MFSD12: variants seen among roughly 807,000 people sequenced by gnomAD.
The protein encoded by MFSD12 is major facilitator superfamily domain-containing protein 12.
Under a neutral mutation model 51.2 loss-of-function variants are expected in MFSD12, and 67 were observed. That is an observed-to-expected ratio of 1.31 (90% CI 1.08 to 1.60). The LOEUF (loss-of-function observed/expected upper bound fraction) is 1.60. MFSD12 is among the 40% of genes most tolerant of loss of function. MFSD12 has a pLI of 0.00. For synonymous variants in MFSD12, 441 were observed against 316.7 expected (o/e 1.39, Z -4.17); for missense variants, 921 against 673.0 (o/e 1.37, Z -4.08).
chr19:3,543,633 G>C (rs1268862810), downstream of MFSD12: 1 of 1,544,142 alleles, frequency 6.5e-7, no homozygotes, highest in Admixed American at 2.0e-5. Flanking sequence ...AGCACCCGGT[G>C]GGGGAGCGCG....
intron 1 of MFSD12, among the ~76,000 whole-genome samples, chr19:3,553,437 C>T (rs531179928): frequency 2.7e-5 from 4 of 148,114 alleles, no homozygotes; most frequent in African/African-American, 7.5e-5. Context: ...CGTGCCACTG[C>T]GCTCCAGCCT....
In MFSD12 at chr19:3,549,591, CGG is replaced by C. The variant is rs1568259341; in HGVS notation, c.510-1326_510-1325del. The stretch of plus-strand genomic sequence containing the variant: ...TACAAAAATTAGCCGGGGGTGGTGG[CGG>C]GTGCCTGTAGTCCCAGCTACTCGGG... On this transcript the variant is annotated intron_variant, in intron 2 of 9. Coordinates refer to ENST00000355415, the MANE Select transcript of MFSD12 (RefSeq NM_174983.5). 1.1e-4 allele frequency among the ~76,000 whole-genome samples: 17 copies of C among 151,718 alleles called. No homozygotes were observed. In the East Asian group the frequency reaches 3.1e-3, roughly 28 times the overall value.
chr19:3,538,874 A>G, intron 4 of MFSD12: 3 of 612,280 alleles, frequency 4.9e-6, no homozygotes, highest in South Asian at 4.6e-5. Flanking sequence ...GCAGGGGGAG[A>G]CAGAAGCCCC....
In MFSD12 at chr19:3,557,258, G is replaced by A. The variant is rs755512305; in HGVS notation, c.146C>T (p.Ser49Leu). ...GCCGCGGGAGCTGTAGGCGCGCACC[G>A]AGTGCAGGTAGAGCAGCAGGTAGGT... ...WFTYLLLYLHSVRAYSSRGAG... is the reference protein window; with the variant it reads ...WFTYLLLYLHLVRAYSSRGAG... Residue 49 changes from serine to leucine, a missense_variant, in exon 1 of 10, where the codon TCG becomes TTG. By Grantham distance (145) the Ser-to-Leu change is moderately radical. Transcript: ENST00000355415. 4 of 1,597,694 alleles carry A rather than the reference G, an allele frequency of 2.5e-6. No individual in the cohort carries two copies. The highest frequency in any genetic ancestry group is 1.7e-5 in the Admixed American group (1 of 58,392).
In MFSD12 at chr19:3,551,437, G is replaced by A. The variant is rs1243912735; in HGVS notation, c.299-243C>T. On this transcript the variant is annotated intron_variant, in intron 1 of 9. Transcript: ENST00000355415. The surrounding 1 kb of genome is among the most constrained non-coding windows in gnomAD (Gnocchi z 4.6). ...GCCTGCAAGTCAGAAGAAGCCAGGC[G>A]CAGGGGGTCCCCCGGAAACCTGCCC... Among the ~76,000 whole-genome samples the A allele has an allele frequency of 2.0e-5, 3 of 152,178 alleles. No individual in the cohort carries two copies. Among genetic ancestry groups the A allele is most frequent in the Admixed American group, 6.5e-5 (1 of 15,288 alleles).
At chr19:3,542,770 A>C (rs774343730), downstream of MFSD12, 1 of 1,362,080 alleles carries the variant, frequency 7.3e-7, no homozygotes, top group Non-Finnish European at 9.8e-7. Context: ...AGCGTGAGCC[A>C]CACACCTGGC....
At chr19:3,546,469 C>A in intron 6 of MFSD12, 44 bp from the exon 7 acceptor site, 4 of 1,557,432 alleles carry the variant, frequency 2.6e-6, no homozygotes, top group South Asian at 1.2e-5. Flanking sequence ...ACTGGGTGCC[C>A]CCAAGCCTGG....
rs2030791943 is a variant in MFSD12, at chr19:3,544,658, T to G, written c.*52A>C. Reference sequence around the variant, plus strand: ...CTTTTCCCCAAGGCCCTGGGGGGCATCCTCGTGCGTCCCCACAGTTCCCTT... The same window carrying G: ...CTTTTCCCCAAGGCCCTGGGGGGCAGCCTCGTGCGTCCCCACAGTTCCCTT... On this transcript the variant is annotated 3_prime_UTR_variant, in exon 10 of 10. Transcript: ENST00000355415. 9 of 1,550,072 alleles carry G rather than the reference T, an allele frequency of 5.8e-6. No individual in the cohort carries two copies. The South Asian group carries it at 1.1e-4, about 19-fold the overall frequency.
chr19:3,549,067 C>A (rs1034455097), intron 2 of MFSD12, among the ~76,000 whole-genome samples: 3 of 152,318 alleles, frequency 2.0e-5, no homozygotes, highest in African/African-American at 7.2e-5. Flanking sequence ...AGAGTTCCCA[C>A]CTCCCAGCTC....
chr19:3,550,088 G>A (rs1450066506), intron 2 of MFSD12, among the ~76,000 whole-genome samples: 3 of 152,082 alleles, frequency 2.0e-5, no homozygotes, highest in African/African-American at 7.2e-5. Context: ...TACAACTTCT[G>A]CCACCAACCA....
intron 4 of MFSD12, 88 bp from the exon 5 acceptor site, chr19:3,547,635 G>T: frequency 1.5e-6 from 2 of 1,299,334 alleles, no homozygotes; most frequent in East Asian, 2.5e-5. Flanking sequence ...CAGGGTGGGC[G>T]CCCTGCAGCT....
At chr19:3,538,785 G>A (rs2030108938) in intron 4 of MFSD12, 2 of 532,172 alleles carry the variant, frequency 3.8e-6, no homozygotes, top group East Asian at 5.3e-5. Context: ...CGGACTGGAT[G>A]TGAGTGGGTG....
chr19:3,539,233 A>G (rs868720850), downstream of MFSD12: 10 of 1,548,050 alleles, frequency 6.5e-6, no homozygotes, highest in Middle Eastern at 1.7e-4. Context: ...GGGACCCTCG[A>G]GGCCAGCTTC....
Position 3,548,117 on chromosome 19 carries a change from G to C in MFSD12, c.654+6C>G. ...CTTCAGGCGACCCACCCGGACTCCAGCTCACCCGGAACACGGGCACGTCCT... is the reference window on the plus strand; with the variant it reads ...CTTCAGGCGACCCACCCGGACTCCACCTCACCCGGAACACGGGCACGTCCT... On this transcript the variant is annotated splice_donor_region_variant and intron_variant, in intron 3 of 9. Coordinates refer to ENST00000355415, the MANE Select transcript of MFSD12 (RefSeq NM_174983.5). 6.2e-7 allele frequency: 1 copy of C among 1,605,920 alleles called. No individual in the cohort carries two copies. The highest frequency in any genetic ancestry group is 1.1e-5 in the South Asian group (1 of 91,000).
chr19:3,552,467 C>CT (rs397859575), intron 1 of MFSD12, among the ~76,000 whole-genome samples: 1,469 of 65,196 alleles, frequency 0.023, 5 homozygotes, highest in Non-Finnish European at 0.03. Context: ...CGCGCCCCGC[C>CT]TTTTTTTTTT....
chr19:3,542,996 A>T (rs1444288640), downstream of MFSD12: 1 of 1,591,048 alleles, frequency 6.3e-7, no homozygotes, highest in African/African-American at 1.3e-5. Context: ...AGAAAGGTTT[A>T]GTGCTGACTT....
rs1388780376 is a variant in MFSD12 at position 3,544,644 on chromosome 19, G to A, written c.*66C>T. On this transcript the variant is annotated 3_prime_UTR_variant, in exon 10 of 10. Transcript: ENST00000355415. ...AGGGGCAGTGGGGGCTTTTCCCCAA[G>A]GCCCTGGGGGGCATCCTCGTGCGTC... 6.5e-7 allele frequency: 1 copy of A among 1,529,114 alleles called. No homozygotes were observed. The highest frequency in any genetic ancestry group is 8.8e-7 in the Non-Finnish European group (1 of 1,134,950). The allele number at this position is 1,529,114 out of a possible 1,614,324, so 94.7% of individuals were successfully genotyped here. A position where few individuals can be genotyped will look rare whatever the true frequency, so the allele number is the denominator to read the frequency against.
At chr19:3,543,855 G>T, downstream of MFSD12, 1 of 1,546,562 alleles carries the variant, frequency 6.5e-7, no homozygotes. Context: ...GTACGGGGTG[G>T]AGCCACTGTG....
At position 3,546,086 on chromosome 19, in the gene MFSD12, A is replaced by G. The variant is rs759961994; in HGVS notation, c.1277T>C (p.Leu426Pro). Reference protein sequence around the residue: ...NGLAVMAIQSLHPCPSELCCR... With the variant: ...NGLAVMAIQSPHPCPSELCCR... ...CAGCGGCACTCACGGGCAAGGGTGC[A>G]GGCTCTGGATGGCCATGACTGCCAG... is the stretch of plus-strand genomic sequence containing the variant. Residue 426 changes from leucine to proline, a missense_variant, in exon 8 of 10, where the codon CTG (leucine) becomes CCG (proline). Leu to Pro is a moderately conservative substitution (Grantham distance 98, BLOSUM62 -3). Transcript: ENST00000355415. 5 of 1,613,266 alleles carry G rather than the reference A, an allele frequency of 3.1e-6. No individual in the cohort carries two copies. The African/African-American group carries it at 5.3e-5, about 17-fold the overall frequency.
Sources: gnomAD v4.1 joint callset for allele counts (sites outside exome capture counted in the v4.1 genomes callset) on GRCh38, gnomAD v4.1.1 for gene constraint, Gnocchi (gnomAD v3.1) non-coding constraint, MANE v1.5 for transcripts, NCBI Gene and HGNC (gene_info 2026-07-23, HGNC 2026-07-21) for gene names.